EBF4: variants seen among roughly 807,000 people sequenced by gnomAD.
The protein encoded by EBF4 is EBF transcription factor 4, also known as transcription factor COE4.
EBF4 carries 34 observed loss-of-function variants against 67.1 expected under a neutral mutation model. The observed-to-expected ratio is 0.51, with a 90% CI of 0.39 to 0.67. EBF4 has a LOEUF of 0.67. EBF4 is among the 30% of genes least tolerant of loss of function. The pLI is 0.00. For missense variants in EBF4, 837 were observed against 873.3 expected (o/e 0.96, Z 0.52); for synonymous variants, 387 against 377.7 (o/e 1.02, Z -0.29).
Position 2,695,697 on chromosome 20 carries a change from G to T in EBF4, c.137+1915G>T, listed in dbSNP as rs145327781. Among the ~76,000 whole-genome samples the T allele has an allele frequency of 2.0e-3, 299 of 152,248 alleles. 5 individuals carry two copies. The South Asian group carries it at 0.021, about 11-fold the overall frequency. The stretch of plus-strand genomic sequence containing the variant: ...GTCTGTCATCACTACAGTTGTATCT[G>T]GTTCCTCAGTCAGTCCTCTGCACGG... On this transcript the variant is annotated intron_variant, in intron 1 of 16. Coordinates refer to ENST00000609451, the Ensembl canonical transcript of EBF4.
chr20:2,701,516 A>C (rs1405021036), intron 1 of EBF4, among the ~76,000 whole-genome samples: 1 of 152,230 alleles, frequency 6.6e-6, no homozygotes, highest in Non-Finnish European at 1.5e-5. Context: ...GGCAGCCAGG[A>C]CCCAGCAATG....
rs780445356 is a variant in EBF4 at position 2,696,795 on chromosome 20, G to C, written c.137+3013G>C. On this transcript the variant is annotated intron_variant, in intron 1 of 16. Coordinates refer to ENST00000609451, the Ensembl canonical transcript of EBF4. This position sits in a 1 kb window ranked among gnomAD's most constrained non-coding sequence, Gnocchi z 4.7. ...TGCTCTTTCTGTGCCCTCCCACCCT[G>C]CCCACGGGAGTGGCTTTAATGCTGC... 1.3e-5 allele frequency among the ~76,000 whole-genome samples: 2 copies of C among 151,984 alleles called. No homozygotes were observed. The highest frequency in any genetic ancestry group is 2.9e-5 in the Non-Finnish European group (2 of 67,984).
chr20:2,708,063 C>G, intron 5 of EBF4, 43 bp downstream of exon 5: 1 of 1,568,508 alleles, frequency 6.4e-7, no homozygotes, highest in Non-Finnish European at 8.7e-7. Context: ...TCTGCCAAGG[C>G]GTTTCTGAGG....
intron 6 of EBF4, among the ~76,000 whole-genome samples, chr20:2,722,660 G>A (rs947740139): frequency 6.6e-6 from 1 of 152,206 alleles, no homozygotes; most frequent in South Asian, 2.1e-4. Flanking sequence ...AGAGCATTAT[G>A]CTGGGATATT....
intron 3 of EBF4, 45 bp downstream of exon 3, chr20:2,706,082 G>A: frequency 6.5e-7 from 1 of 1,549,756 alleles, no homozygotes; most frequent in Non-Finnish European, 8.7e-7. Context: ...CCTGAAGTCT[G>A]GGCACTGCAG....
intron 14 of EBF4, chr20:2,754,977 C>CT (rs1362823659): frequency 5.2e-5 from 5 of 96,356 alleles, no homozygotes; most frequent in East Asian, 5.5e-4. Context: ...ACCACCCCCC[C>CT]CCACAGGGCC....
chr20:2,722,360 A>T lies in EBF4; in HGVS notation c.557+12718A>T, dbSNP rs572386472. 6.4e-4 allele frequency among the ~76,000 whole-genome samples: 97 copies of T among 151,908 alleles called. 2 individuals are homozygous for T. In the South Asian group the frequency reaches 0.019, roughly 30 times the overall value. ...AGTCTAGTTGGTAGAAACAAGCACTATTTTCATCCTTATGTGAGCACCAAG... is the reference window on the plus strand; with the variant it reads ...AGTCTAGTTGGTAGAAACAAGCACTTTTTTCATCCTTATGTGAGCACCAAG... On this transcript the variant is annotated intron_variant, in intron 6 of 16. Coordinates refer to ENST00000609451, the Ensembl canonical transcript of EBF4.
chr20:2,754,412 T>C (rs562702461), intron 14 of EBF4, among the ~76,000 whole-genome samples: 12 of 152,284 alleles, frequency 7.9e-5, no homozygotes, highest in Middle Eastern at 3.4e-3. Flanking sequence ...GTACAAAATG[T>C]GGCCGTGAGC....
At chr20:2,721,984 T>C (rs551436117) in intron 6 of EBF4, among the ~76,000 whole-genome samples, 1 of 152,350 alleles carries the variant, frequency 6.6e-6, no homozygotes, top group South Asian at 2.1e-4. Flanking sequence ...TGTATTTCTG[T>C]AAATCTTGAG....
chr20:2,752,128 T>C, exon 13 of EBF4: 1 of 1,454,540 alleles, frequency 6.9e-7, no homozygotes. Flanking sequence ...CGAGGCTCTG[T>C]ACAGCACCCC....
chr20:2,699,218 ATCTGCATACAC>A (rs1438821741), intron 1 of EBF4, among the ~76,000 whole-genome samples: 1 of 152,208 alleles, frequency 6.6e-6, no homozygotes, highest in Non-Finnish European at 1.5e-5. Context: ...CCCCACAGGC[ATCTGCATACAC>A]TCTGGAGCAC....
chr20:2,709,936 C>T (rs1422474894), intron 6 of EBF4, among the ~76,000 whole-genome samples: 1 of 152,104 alleles, frequency 6.6e-6, no homozygotes, highest in African/African-American at 2.4e-5. Flanking sequence ...AGGGGAGGAA[C>T]CAGCACTCAG....
In EBF4 at chr20:2,696,527, G is replaced by A. The variant is rs1236194297; in HGVS notation, c.137+2745G>A. ...ATAAAATAAAGTGACCAACCCCCAA[G>A]CCCCACTGCTTCCTCATGGATATCT... On this transcript the variant is annotated intron_variant, in intron 1 of 16. Coordinates refer to ENST00000609451, the Ensembl canonical transcript of EBF4. This position sits in a 1 kb window ranked among gnomAD's most constrained non-coding sequence, Gnocchi z 4.7. Among the ~76,000 whole-genome samples the A allele has an allele frequency of 6.6e-6, 1 of 152,040 alleles. No homozygotes were observed. The highest frequency in any genetic ancestry group is 1.5e-5 in the Non-Finnish European group (1 of 68,004).
rs2088153768 is a variant in EBF4, at chr20:2,751,913, T to C, written c.1108-9T>C. 3 of 1,545,424 alleles carry C rather than the reference T, an allele frequency of 1.9e-6. No homozygotes were observed. The South Asian group carries it at 3.6e-5, about 18-fold the overall frequency. On this transcript the variant is annotated splice_polypyrimidine_tract_variant and intron_variant, in intron 11 of 16. Coordinates refer to ENST00000609451, the Ensembl canonical transcript of EBF4. The surrounding 1 kb of genome is among the most constrained non-coding windows in gnomAD (Gnocchi z 5.2). ...CCCTCCGTCCCGCTGTCTCTCCCCC[T>C]GTCCCCAGGAAGTGCTGCTGAAGCG...
Position 2,759,252 on chromosome 20 carries a change from T to C in EBF4, c.*6-16T>C. On this transcript the variant is annotated splice_polypyrimidine_tract_variant and intron_variant, in intron 16 of 16. Transcript: ENST00000609451. ...TTCCTCCCCGACCTTCTTCTCTCCC[T>C]CTCTCGCCCCACCAGGTCTGCAGCT... 1.9e-6 allele frequency: 1 copy of C among 518,122 alleles called. No homozygotes were observed. Among genetic ancestry groups the C allele is most frequent in the East Asian group, 3.2e-5 (1 of 31,274 alleles). The allele number at this position is 518,122 out of a possible 1,614,324, so 32.1% of individuals were successfully genotyped here.
chr20:2,701,950 G>T (rs536099594), intron 1 of EBF4, among the ~76,000 whole-genome samples: 1 of 152,310 alleles, frequency 6.6e-6, no homozygotes, highest in Admixed American at 6.5e-5. Flanking sequence ...TCAGGGCCCC[G>T]CTGTGATCGA....
intron 6 of EBF4, among the ~76,000 whole-genome samples, chr20:2,720,423 C>CG (rs1568574054): frequency 2.0e-5 from 3 of 152,152 alleles, no homozygotes; most frequent in African/African-American, 7.2e-5. Flanking sequence ...TCTTTTTCTT[C>CG]ATTTTTTTTC....
rs998553770 is a variant in EBF4, at chr20:2,739,010, A to C, written c.558-9539A>C. Among the ~76,000 whole-genome samples the C allele has an allele frequency of 1.3e-5, 2 of 152,166 alleles. No homozygotes were observed. The highest frequency in any genetic ancestry group is 4.8e-5 in the African/African-American group (2 of 41,438). On this transcript the variant is annotated intron_variant, in intron 6 of 16. Transcript: ENST00000609451. This position sits in a 1 kb window ranked among gnomAD's most constrained non-coding sequence, Gnocchi z 4.5. ...GGATCATGGTGGGGAGGCCAGGTCC[A>C]GGCCTGGCAGGTGGCTGTGGCCCTG...
At chr20:2,736,188 A>C (rs6051346) in intron 6 of EBF4, among the ~76,000 whole-genome samples, 56,058 of 151,724 alleles carry the variant, frequency 0.37, 12,491 homozygotes, top group African/African-American at 0.64. Flanking sequence ...AGGGAAACAT[A>C]CCCTCCCATG....
Sources: allele counts gnomAD v4.1 joint callset (sites outside exome capture counted in the v4.1 genomes callset), GRCh38; gene constraint gnomAD v4.1.1; non-coding constraint Gnocchi (gnomAD v3.1); transcripts MANE v1.5; gene names NCBI Gene and HGNC (gene_info 2026-07-23, HGNC 2026-07-21).